The following MBP variants were observed in gnomAD, a reference collection of about 807,000 sequenced individuals.
MBP encodes Golli-MBP.
A neutral mutation model predicts 35.8 loss-of-function variants in MBP; 16 were observed. The ratio of observed to expected loss-of-function variants is 0.45; its 90% CI spans 0.30 to 0.68. The LOEUF (loss-of-function observed/expected upper bound fraction) is 0.68. MBP is among the 30% of genes least tolerant of loss of function. The probability of loss-of-function intolerance (pLI) is 0.08; values close to 1 mark genes in which losing one functional copy is unlikely to be tolerated. For synonymous variants in MBP, 143 were observed against 159.6 expected (o/e 0.90, Z 0.78); for missense variants, 380 against 404.7 (o/e 0.94, Z 0.52).
chr18:76,989,119 A>G lies in MBP; in HGVS notation c.682-207T>C, dbSNP rs1969746384. The stretch of plus-strand genomic sequence containing the variant: ...CTAGATGATGCAGATCTCCCAGAGC[A>G]CTCAGGAAGTGTTTCAGAGGATGGA... On this transcript the variant is annotated intron_variant, in intron 5 of 8. Coordinates refer to ENST00000355994, the MANE Select transcript of MBP (RefSeq NM_001025101.2). This position sits in a 1 kb window ranked among gnomAD's most constrained non-coding sequence, Gnocchi z 4.0. 1 of 698,490 alleles carries G rather than the reference A, an allele frequency of 1.4e-6. No individual in the cohort carries two copies. The allele number at this position is 698,490 out of a possible 1,614,324, so 43.3% of individuals were successfully genotyped here. A position where few individuals can be genotyped will look rare whatever the true frequency, so the allele number is the denominator to read the frequency against.
intron 3 of MBP, among the ~76,000 whole-genome samples, chr18:77,031,879 G>A (rs1183275966): frequency 1.3e-5 from 2 of 152,240 alleles, no homozygotes; most frequent in African/African-American, 2.4e-5. Flanking sequence ...GCTGTGCCCA[G>A]TGGGAGCCAG....
Position 77,131,285 on chromosome 18 carries a change from T to TC in MBP, c.-26+1294dup, listed in dbSNP as rs1448218803. 1.3e-5 allele frequency among the ~76,000 whole-genome samples: 2 copies of TC among 151,954 alleles called. No individual in the cohort carries two copies. Among genetic ancestry groups the TC allele is most frequent in the East Asian group, 3.9e-4 (2 of 5,172 alleles). Reference sequence around the variant, plus strand: ...TGCGGGACCTGCTCAATCCATACGGTCCCCTGACTTGAGGGTGACCGTCCT... The same window carrying TC: ...TGCGGGACCTGCTCAATCCATACGGTCCCCCTGACTTGAGGGTGACCGTCCT... On this transcript the variant is annotated intron_variant, in intron 1 of 8. Coordinates refer to ENST00000355994, the MANE Select transcript of MBP (RefSeq NM_001025101.2). The surrounding 1 kb of genome is among the most constrained non-coding windows in gnomAD (Gnocchi z 5.5).
At position 76,984,872 on chromosome 18, in the gene MBP, C is replaced by G; in HGVS notation, c.773G>C (p.Gly258Ala). The change falls in exon 8 of 9, where the codon GGA (glycine) becomes GCA (alanine). Residue 258 changes from glycine (G) to alanine (A), a missense_variant. Gly to Ala is a moderately conservative substitution (Grantham distance 60, BLOSUM62 0). Transcript: ENST00000355994. ...GGACGCTCTGCCTCCGTAGCCAAAT[C>G]CTGGTCTCTGGCCTTCGGCCCCCTG... ...FSWGAEGQRP[G>A]FGYGGRASDY... is the part of the protein sequence containing the mutation. The G allele has an allele frequency of 6.2e-7, 1 of 1,613,742 alleles. No homozygotes were observed. Among genetic ancestry groups the G allele is most frequent in the East Asian group, 2.2e-5 (1 of 44,886 alleles).
At chr18:77,119,324 C>T (rs1976816312) in intron 1 of MBP, among the ~76,000 whole-genome samples, 1 of 152,202 alleles carries the variant, frequency 6.6e-6, no homozygotes, top group South Asian at 2.1e-4. Flanking sequence ...CCATCACCAC[C>T]CCTGCCACAG....
chr18:77,055,418 G>A (rs1434179231), intron 3 of MBP, among the ~76,000 whole-genome samples: 5 of 152,196 alleles, frequency 3.3e-5, no homozygotes, highest in Admixed American at 6.5e-5. Flanking sequence ...ATGGGTGGCT[G>A]TTCCCTCCCA....
chr18:77,028,399 C>T (rs1252035535), intron 3 of MBP, among the ~76,000 whole-genome samples: 1 of 124,114 alleles, frequency 8.1e-6, no homozygotes, highest in African/African-American at 2.7e-5. Flanking sequence ...TCTTTCTACA[C>T]AGACACGGCA....
rs546916195 is a variant in MBP at position 77,070,201 on chromosome 18, A to C, written c.52-3816T>G. ...ACGGGGCTCAGACTTACGAGAGGGG[A>C]TGGGTCCTGGCAGCTCAGGCCCTCC... On this transcript the variant is annotated intron_variant, in intron 2 of 8. Coordinates refer to ENST00000355994, the MANE Select transcript of MBP (RefSeq NM_001025101.2). Among the ~76,000 whole-genome samples, 724 of 152,270 alleles carry C rather than the reference A, an allele frequency of 4.8e-3. 1 individual carries two copies. Among genetic ancestry groups the C allele is most frequent in the Non-Finnish European group, 6.6e-3 (452 of 68,016 alleles).
At chr18:77,095,693 T>C (rs1421092614) in intron 2 of MBP, 4 of 152,348 alleles carry the variant, frequency 2.6e-5, no homozygotes, top group Admixed American at 6.5e-5. Context: ...CCAGGGAGGA[T>C]GGATGGCTTT....
At chr18:77,120,287 G>A (rs1976849821) in intron 1 of MBP, among the ~76,000 whole-genome samples, 1 of 152,218 alleles carries the variant, frequency 6.6e-6, no homozygotes, top group Non-Finnish European at 1.5e-5. Flanking sequence ...GCGGCATCTG[G>A]TGCAGCTGTG....
In MBP at chr18:77,082,012, T is replaced by C. The variant is rs532377307; in HGVS notation, c.52-15627A>G. Among the ~76,000 whole-genome samples the C allele has an allele frequency of 1.2e-3, 181 of 148,418 alleles. 5 individuals carry two copies. The East Asian group carries it at 0.031, about 26-fold the overall frequency. On this transcript the variant is annotated intron_variant, in intron 2 of 8. Transcript: ENST00000355994. ...GACTACAGGTGCCCGCCACAACGCC[T>C]GGCTAATTTTTTTGTATTTTTAGTA... is the stretch of plus-strand genomic sequence containing the variant.
At chr18:76,991,099 G>C (rs1969883758) in intron 4 of MBP, among the ~76,000 whole-genome samples, 1 of 152,200 alleles carries the variant, frequency 6.6e-6, no homozygotes, top group Admixed American at 6.5e-5. Flanking sequence ...GAGGCAGGCA[G>C]CTCATGGGCT....
At chr18:77,127,005 A>G (rs1977072473) in intron 1 of MBP, among the ~76,000 whole-genome samples, 1 of 152,210 alleles carries the variant, frequency 6.6e-6, no homozygotes, top group Non-Finnish European at 1.5e-5. Context: ...AATCCCAGCA[A>G]GGTTTTTGCA....
chr18:77,041,482 T>G (rs1972987231), intron 3 of MBP, among the ~76,000 whole-genome samples: 1 of 152,198 alleles, frequency 6.6e-6, no homozygotes. Context: ...TGCACACCTA[T>G]GTTTATTGTG....
chr18:77,019,572 T>G (rs928840454), intron 3 of MBP, among the ~76,000 whole-genome samples: 6 of 152,238 alleles, frequency 3.9e-5, no homozygotes, highest in Non-Finnish European at 7.3e-5. Flanking sequence ...TTGAGCTTTC[T>G]GGCCTTCACA....
At chr18:77,084,019 T>A (rs201538924) in intron 2 of MBP, among the ~76,000 whole-genome samples, 25 of 140,138 alleles carry the variant, frequency 1.8e-4, no homozygotes, top group Admixed American at 5.7e-4. Flanking sequence ...GTTTTTTTTT[T>A]TAAAAAACCC....
chr18:76,986,620 C>T (rs1372660583), intron 7 of MBP: 2 of 985,438 alleles, frequency 2.0e-6, no homozygotes, highest in African/African-American at 1.7e-5. Flanking sequence ...AAGGTCTAAG[C>T]ACTGCACACG....
Position 77,118,142 on chromosome 18 carries a change from C to G in MBP, c.-25-12856G>C, listed in dbSNP as rs1194293622. On this transcript the variant is annotated intron_variant, in intron 1 of 8. Transcript: ENST00000355994. ...CAGTGGGTTGGGGTGGGATGGGGGA[C>G]AGTGGGTTGGGGTGGGATGGGGACA... is the stretch of plus-strand genomic sequence containing the variant. Among the ~76,000 whole-genome samples the G allele has an allele frequency of 4.0e-4, 18 of 45,460 alleles. No homozygotes were observed. In the East Asian group the frequency reaches 5.1e-3, roughly 13 times the overall value. 29.8% of individuals were successfully genotyped at this position (45,460 alleles called of 152,430 possible). A position where few individuals can be genotyped will look rare whatever the true frequency, so the allele number is the denominator to read the frequency against.
intron 4 of MBP, chr18:76,990,872 TG>T (rs1241162842): frequency 1.4e-5 from 4 of 294,724 alleles, no homozygotes; most frequent in Non-Finnish European, 2.8e-5. Context: ...GTGTGCGACT[TG>T]CTGGGGAGAG....
intron 1 of MBP, among the ~76,000 whole-genome samples, chr18:77,124,455 C>G (rs1333450781): frequency 1.4e-4 from 20 of 146,912 alleles, no homozygotes; most frequent in Admixed American, 1.4e-3. Flanking sequence ...CCACCCCGTG[C>G]TGGCCTCCTT....
Sources: gnomAD v4.1 joint callset for allele counts (sites outside exome capture counted in the v4.1 genomes callset) on GRCh38, gnomAD v4.1.1 for gene constraint, Gnocchi (gnomAD v3.1) non-coding constraint, MANE v1.5 for transcripts, NCBI Gene and HGNC (gene_info 2026-07-23, HGNC 2026-07-21) for gene names.